Variants in VCP observed in about 807,000 individuals in gnomAD.
VCP encodes the protein valosin containing protein.
A neutral mutation model predicts 85.7 loss-of-function variants in VCP; 6 were observed. That is an observed-to-expected ratio of 0.07 (90% CI 0.04 to 0.14). VCP has a LOEUF of 0.14. VCP is among the 10% of genes least tolerant of loss of function. The pLI is 1.00. For synonymous variants in VCP, 384 were observed against 367.1 expected (o/e 1.05, Z -0.53); for missense variants, 353 against 1,043.4 (o/e 0.34, Z 9.12).
At chr9:35,062,891 A>C (rs1828753890) in intron 7 of VCP, 87 bp downstream of exon 7, 8 of 1,271,638 alleles carry the variant, frequency 6.3e-6, no homozygotes, top group Non-Finnish European at 8.1e-6. Flanking sequence ...GCATGGGTGC[A>C]AAAAGGATGT....
At chr9:35,068,813 T>C (rs1828883897) in intron 1 of VCP, among the ~76,000 whole-genome samples, 1 of 152,120 alleles carries the variant, frequency 6.6e-6, no homozygotes, top group South Asian at 2.1e-4. Context: ...CTCTGAACTT[T>C]GATGTCCTCC....
intron 1 of VCP, 21 bp downstream of exon 1, chr9:35,072,316 G>C (rs1197947470): frequency 2.7e-6 from 4 of 1,483,808 alleles, no homozygotes; most frequent in Non-Finnish European, 3.6e-6. Flanking sequence ...CGCAGCAAGC[G>C]AACGGCGCGC....
At chr9:35,066,111 G>A (rs1021410249) in intron 4 of VCP, among the ~76,000 whole-genome samples, 10 of 151,626 alleles carry the variant, frequency 6.6e-5, no homozygotes, top group Non-Finnish European at 1.0e-4. Flanking sequence ...GGGGGACAGC[G>A]CGACACTCTG....
At chr9:35,067,631 T>C (rs570009720) in intron 3 of VCP, among the ~76,000 whole-genome samples, 15 of 152,090 alleles carry the variant, frequency 9.9e-5, no homozygotes, top group Non-Finnish European at 2.2e-4. Context: ...ACACCTCTAG[T>C]AGGAAAAAAT....
rs1828624073 is a variant in VCP, at chr9:35,057,104, T to C, written c.*13A>G. On this transcript the variant is annotated 3_prime_UTR_variant, in exon 17 of 17. Coordinates refer to ENST00000358901, the MANE Select transcript of VCP (RefSeq NM_007126.5). Reference sequence around the variant, plus strand: ...CCAGGCAGGCCAGCTCACTGCACGCTGGCCACCACCACTTAGCCATACAGG... The same window carrying C: ...CCAGGCAGGCCAGCTCACTGCACGCCGGCCACCACCACTTAGCCATACAGG... 6.2e-7 allele frequency: 1 copy of C among 1,613,896 alleles called. No homozygotes were observed. The highest frequency in any genetic ancestry group is 1.1e-5 in the South Asian group (1 of 91,070).
At position 35,072,466 on chromosome 9, in the gene VCP, C is replaced by T. The variant is rs1828979741; in HGVS notation, c.-113G>A. 9 of 1,310,354 alleles carry T rather than the reference C, an allele frequency of 6.9e-6. No homozygotes were observed. The highest frequency in any genetic ancestry group is 8.9e-6 in the Non-Finnish European group (9 of 1,015,404). The allele number at this position is 1,310,354 out of a possible 1,614,324, so 81.2% of individuals were successfully genotyped here. A position where few individuals can be genotyped will look rare whatever the true frequency, so the allele number is the denominator to read the frequency against. ...GCTCTTCCAGGCGGTGGGCGAGCAGCGGCGACAAACCCGCAAGCGGCTTCC... is the reference window on the plus strand; with the variant it reads ...GCTCTTCCAGGCGGTGGGCGAGCAGTGGCGACAAACCCGCAAGCGGCTTCC... On this transcript the variant is annotated 5_prime_UTR_variant, in exon 1 of 17. Transcript: ENST00000358901.
chr9:35,072,118 G>C (rs1338164914), intron 1 of VCP: 1 of 1,363,848 alleles, frequency 7.3e-7, no homozygotes, highest in African/African-American at 1.6e-5. Flanking sequence ...CTCCGACCCG[G>C]ACCCAACGCA....
In VCP at chr9:35,057,549, G is replaced by C. The variant is rs562566058; in HGVS notation, c.2161-19C>G. ...CTACCTCCTATAGTTGGTAAACACA[G>C]ATCACTAGGGCTAGTTAAAGCCCAG... On this transcript the variant is annotated intron_variant, in intron 15 of 16. Coordinates refer to ENST00000358901, the MANE Select transcript of VCP (RefSeq NM_007126.5). 1 of 1,605,044 alleles carries C rather than the reference G, an allele frequency of 6.2e-7. No homozygotes were observed. The highest frequency in any genetic ancestry group is 8.5e-7 in the Non-Finnish European group (1 of 1,179,978).
intron 3 of VCP, 62 bp downstream of exon 3, chr9:35,067,829 T>C (rs1828862614): frequency 1.9e-6 from 3 of 1,605,282 alleles, no homozygotes; most frequent in African/African-American, 1.3e-5. Flanking sequence ...ACATGGGTCC[T>C]GCCTGTAATG....
At position 35,058,997 on chromosome 9, in the gene VCP, G is replaced by A. The variant is rs1487251290; in HGVS notation, c.2160+67C>T. Reference sequence around the variant, plus strand: ...CCAACAGCTTCTACTCTCAACTCCAGGGCATGGTGGTGGCTGCTGCCTGGC... The same window carrying A: ...CCAACAGCTTCTACTCTCAACTCCAAGGCATGGTGGTGGCTGCTGCCTGGC... On this transcript the variant is annotated intron_variant, in intron 15 of 16. Transcript: ENST00000358901. The A allele has an allele frequency of 2.5e-6, 4 of 1,602,322 alleles. No individual in the cohort carries two copies. The African/African-American group carries it at 5.4e-5, about 21-fold the overall frequency.
In VCP at chr9:35,068,858, G is replaced by A. The variant is rs541421735; in HGVS notation, c.18-496C>T. On this transcript the variant is annotated intron_variant, in intron 1 of 16. Transcript: ENST00000358901. ...GAAGGAATATAATACTTATCTCAGA[G>A]GCTTATTGTCTTAAGGGAGATAATG... Among the ~76,000 whole-genome samples the A allele has an allele frequency of 9.2e-5, 14 of 152,106 alleles. 1 individual carries two copies. The highest frequency in any genetic ancestry group is 4.2e-4 in the South Asian group (2 of 4,816).
intron 9 of VCP, 131 bp downstream of exon 9, chr9:35,061,872 G>A: frequency 6.5e-7 from 1 of 1,540,968 alleles, no homozygotes; most frequent in Non-Finnish European, 8.9e-7. Context: ...CTCTAGACAG[G>A]ACGTAGGGTA....
chr9:35,071,293 GTTTTTTTTT>G (rs869178164), intron 1 of VCP, among the ~76,000 whole-genome samples: 821 of 69,096 alleles, frequency 0.012, 8 homozygotes, highest in African/African-American at 0.043. Context: ...GGCTGGCTGT[GTTTTTTTTT>G]TTTTTTTTTT....
At chr9:35,061,216 G>GA (rs1161926628) in intron 10 of VCP, 37 bp from the exon 11 acceptor site, 2 of 1,611,926 alleles carry the variant, frequency 1.2e-6, no homozygotes, top group Admixed American at 3.3e-5. Flanking sequence ...CTGCCTCAAA[G>GA]ACCCAGCTGC....
chr9:35,068,102 G>C, intron 2 of VCP, 39 bp from the exon 3 acceptor site: 1 of 1,613,856 alleles, frequency 6.2e-7, no homozygotes, highest in Non-Finnish European at 8.5e-7. Flanking sequence ...TCATTGGGCT[G>C]ACGGGGAGTA....
intron 15 of VCP, among the ~76,000 whole-genome samples, chr9:35,058,735 C>G (rs961731627): frequency 6.6e-6 from 1 of 152,172 alleles, no homozygotes; most frequent in Non-Finnish European, 1.5e-5. Context: ...CCACTGCACT[C>G]CAGTCTGGGC....
chr9:35,070,817 T>C (rs1471327948), intron 1 of VCP, among the ~76,000 whole-genome samples: 1 of 152,204 alleles, frequency 6.6e-6, no homozygotes, highest in East Asian at 1.9e-4. Context: ...GCTCTGGAGA[T>C]GAGTGGTATG....
intron 9 of VCP, 45 bp downstream of exon 9, chr9:35,061,958 T>A: frequency 6.2e-7 from 1 of 1,613,802 alleles, no homozygotes; most frequent in Non-Finnish European, 8.5e-7. Flanking sequence ...AGGAGAGAAG[T>A]AGGACCTAAG....
chr9:35,059,875 G>C lies in VCP; in HGVS notation c.1696-74C>G. 6.3e-7 allele frequency: 1 copy of C among 1,595,504 alleles called. No individual in the cohort carries two copies. The highest frequency in any genetic ancestry group is 1.3e-5 in the African/African-American group (1 of 74,666). ...TAGGCAAACGTGGTGGCTCACACCT[G>C]TATTCCCAGCACTTTGGGAGGCCAA... On this transcript the variant is annotated intron_variant, in intron 13 of 16. Transcript: ENST00000358901. The surrounding 1 kb of genome is among the most constrained non-coding windows in gnomAD (Gnocchi z 4.9).
Sources: gnomAD v4.1 joint callset for allele counts (sites outside exome capture counted in the v4.1 genomes callset) on GRCh38, gnomAD v4.1.1 for gene constraint, Gnocchi (gnomAD v3.1) non-coding constraint, MANE v1.5 for transcripts, NCBI Gene and HGNC (gene_info 2026-07-23, HGNC 2026-07-21) for gene names.